Variants in GTPBP6 observed in about 807,000 individuals in gnomAD.
The protein encoded by GTPBP6 is putative GTP-binding protein 6.
A neutral mutation model predicts 28.9 loss-of-function variants in GTPBP6; 33 were observed. The observed-to-expected ratio is 1.14, with a 90% confidence interval of 0.87 to 1.53. GTPBP6 has a LOEUF of 1.53. GTPBP6 is among the 40% of genes most tolerant of loss of function. The pLI, the probability that GTPBP6 is intolerant of heterozygous loss-of-function variation, is 0.00. For synonymous variants in GTPBP6, 231 were observed against 192.7 expected (o/e 1.20, Z -1.65); for missense variants, 507 against 408.3 (o/e 1.24, Z -2.08).
At chrX:311,834 G>T (rs916629649) in intron 6 of GTPBP6, 3 of 608,808 alleles carry the variant, frequency 4.9e-6, no homozygotes, top group African/African-American at 3.7e-5. Flanking sequence ...ATGGAGCGGG[G>T]CCGCCGTGCG....
At chrX:317,577 G>A (rs1288108446) in intron 1 of GTPBP6, among the ~76,000 whole-genome samples, 2 of 149,564 alleles carry the variant, frequency 1.3e-5, no homozygotes, top group African/African-American at 4.9e-5. Context: ...GGTGGGACTA[G>A]ACACAGATTG....
exon 1 of GTPBP6, chrX:318,755 C>A (rs2070486496): frequency 9.4e-6 from 3 of 320,040 alleles, no homozygotes; most frequent in African/African-American, 6.6e-5. Context: ...AGAGCCGCAG[C>A]CCCGGGCGTA....
intron 2 of GTPBP6, 32 bp from the exon 3 acceptor site, chrX:315,331 G>A: frequency 2.5e-6 from 1 of 398,542 alleles, no homozygotes; most frequent in Admixed American, 4.4e-5. Flanking sequence ...GTCAGAGGCT[G>A]GCCGTCCACA....
chrX:310,957 G>A lies in GTPBP6; in HGVS notation c.1125+462C>T, dbSNP rs1738051751. Reference sequence around the variant, plus strand: ...CGGTCACTCTGTCTGTCAGGGGTCTGTGACGTGGAGCAGGTGCACCCGGGA... The same window carrying A: ...CGGTCACTCTGTCTGTCAGGGGTCTATGACGTGGAGCAGGTGCACCCGGGA... On this transcript the variant is annotated intron_variant, in intron 7 of 9. Transcript: ENST00000326153. Among the ~76,000 whole-genome samples, 2 of 152,110 alleles carry A rather than the reference G, an allele frequency of 1.3e-5. 1 individual carries two copies. Among genetic ancestry groups the A allele is most frequent in the South Asian group, 4.2e-4 (2 of 4,816 alleles).
At chrX:307,783 G>A (rs375699093) in exon 8 of GTPBP6, 136 of 1,539,864 alleles carry the variant, frequency 8.8e-5, no homozygotes, top group African/African-American at 1.1e-4. Context: ...GTCCAGGAGC[G>A]GGGCGGGCAG....
chrX:312,508 G>C (rs1338285013), intron 6 of GTPBP6: 14 of 683,094 alleles, frequency 2.0e-5, no homozygotes, highest in Non-Finnish European at 3.8e-5. Flanking sequence ...CTGGATGGGA[G>C]GATGGGGTAG....
At chrX:304,940 G>A (rs1472547744) in exon 10 of GTPBP6, 83 of 1,468,222 alleles carry the variant, frequency 5.7e-5, no homozygotes, top group Non-Finnish European at 7.5e-5. Context: ...CAAATGGCTG[G>A]GAGCGAGACG....
chrX:311,558 G>T (rs369259471), exon 7 of GTPBP6: 2 of 1,612,284 alleles, frequency 1.2e-6, no homozygotes, highest in South Asian at 2.2e-5. Flanking sequence ...GACGTCCAGC[G>T]TGGCAAACAG....
intron 2 of GTPBP6, among the ~76,000 whole-genome samples, chrX:316,387 G>T (rs1350714269): frequency 6.7e-6 from 1 of 148,958 alleles, no homozygotes; most frequent in African/African-American, 2.5e-5. Flanking sequence ...TCCCAGCAGG[G>T]GTGAGATGCA....
chrX:311,178 C>A (rs763585531), intron 7 of GTPBP6, among the ~76,000 whole-genome samples: 2 of 149,156 alleles, frequency 1.3e-5, no homozygotes, highest in East Asian at 4.0e-4. Context: ...GTTGTTCCGG[C>A]CCCGAGTTGG....
chrX:313,043 C>T lies in GTPBP6; in HGVS notation c.758-119G>A, dbSNP rs1489412604. 8.8e-5 allele frequency: 71 copies of T among 808,926 alleles called. No homozygotes were observed. In the East Asian group the frequency reaches 1.8e-3, roughly 21 times the overall value. 50.1% of individuals were successfully genotyped at this position (808,926 alleles called of 1,614,324 possible). A position where few individuals can be genotyped will look rare whatever the true frequency, so the allele number is the denominator to read the frequency against. ...TGCTCCCGCTCCAGCATCTGGGGGC[C>T]CGGCTGCTTTCCCCAGCAGCGGCCC... On this transcript the variant is annotated intron_variant, in intron 5 of 9. Coordinates refer to ENST00000326153, the Ensembl canonical transcript of GTPBP6.
At chrX:313,707 G>GA (rs1468994352) in intron 5 of GTPBP6, among the ~76,000 whole-genome samples, 8 of 150,546 alleles carry the variant, frequency 5.3e-5, no homozygotes, top group African/African-American at 2.0e-4. Flanking sequence ...AGGCCACGTG[G>GA]AGACGGAGGC....
intron 6 of GTPBP6, 94 bp downstream of exon 6, chrX:312,672 A>T: frequency 7.8e-7 from 1 of 1,284,724 alleles, no homozygotes; most frequent in Non-Finnish European, 1.1e-6. Flanking sequence ...GTACGGCACC[A>T]CTGAGACGAC....
intron 6 of GTPBP6, 61 bp downstream of exon 6, chrX:312,705 G>T (rs1398724835): frequency 1.3e-5 from 20 of 1,512,590 alleles, no homozygotes; most frequent in Non-Finnish European, 1.7e-5. Context: ...CCCTCCCCCG[G>T]GCGAGTCCTC....
intron 4 of GTPBP6, 119 bp from the exon 5 acceptor site, chrX:314,336 G>C (rs2070383813): frequency 1.1e-5 from 9 of 825,720 alleles, no homozygotes; most frequent in Admixed American, 5.8e-5. Context: ...AGGAGCCGCT[G>C]TTGCGGCCCC....
At chrX:312,455 G>A (rs764971472) in intron 6 of GTPBP6, 18 of 581,276 alleles carry the variant, frequency 3.1e-5, no homozygotes, top group African/African-American at 5.5e-5. Flanking sequence ...GGAGGATGGT[G>A]TAGATGGAGG....
intron 4 of GTPBP6, among the ~76,000 whole-genome samples, chrX:314,674 C>T (rs2070395029): frequency 2.0e-5 from 3 of 151,984 alleles, no homozygotes; most frequent in African/African-American, 7.2e-5. Context: ...GACGGGGTTT[C>T]ACCGTGTTGG....
chrX:305,846 G>A (rs192078880), intron 9 of GTPBP6, among the ~76,000 whole-genome samples: 6 of 151,844 alleles, frequency 4.0e-5, no homozygotes, highest in Admixed American at 6.6e-5. Context: ...GGCTGGTCTC[G>A]ATCTCCTGAC....
exon 10 of GTPBP6, chrX:305,113 G>C: frequency 6.2e-7 from 1 of 1,613,526 alleles, no homozygotes; most frequent in South Asian, 1.1e-5. Flanking sequence ...CGTAGGCTGA[G>C]TTGCTGATGA....
Sources: allele counts gnomAD v4.1 joint callset (sites outside exome capture counted in the v4.1 genomes callset), GRCh38; gene constraint gnomAD v4.1.1; transcripts MANE v1.5; gene names NCBI Gene and HGNC (gene_info 2026-07-23, HGNC 2026-07-21).